The following JMJD1C variants were observed in gnomAD, a reference collection of about 807,000 sequenced individuals.
The protein encoded by JMJD1C is jumonji domain containing 1C, also known as jumonji domain-containing protein 1C.
A neutral mutation model predicts 245.3 loss-of-function variants in JMJD1C; 31 were observed. The ratio of observed to expected loss-of-function variants is 0.13; its 90% CI spans 0.09 to 0.17. The LOEUF (loss-of-function observed/expected upper bound fraction) is 0.17, where lower values mean the gene tolerates loss of function less well. Ranked by LOEUF, JMJD1C falls within the 10% of genes least tolerant of loss-of-function variation. The pLI is 1.00. For synonymous variants in JMJD1C, 1,057 were observed against 1,017.4 expected, an observed-to-expected ratio of 1.04 and a Z score of -0.74; for missense variants, 2,691 against 3,000.2, an observed-to-expected ratio of 0.90 and a Z score of 2.41.
chr10:63,491,042 G>C (rs1954158878), intron 1 of JMJD1C, among the ~76,000 whole-genome samples: 1 of 152,194 alleles, frequency 6.6e-6, no homozygotes, highest in Non-Finnish European at 1.5e-5. Flanking sequence ...AGAAAACTGA[G>C]ATGACGAATT....
At chr10:63,189,766 G>A (rs1564573997) in intron 17 of JMJD1C, among the ~76,000 whole-genome samples, 1 of 152,054 alleles carries the variant, frequency 6.6e-6, no homozygotes, top group Admixed American at 6.6e-5. Flanking sequence ...ATAGAGATGA[G>A]GGTCTTGCTA....
chr10:63,322,178 T>C (rs988689065), intron 2 of JMJD1C, among the ~76,000 whole-genome samples: 1 of 152,202 alleles, frequency 6.6e-6, no homozygotes, highest in Non-Finnish European at 1.5e-5. Flanking sequence ...AAAGCTCTTT[T>C]CAAATGTTGC....
chr10:63,361,712 T>A (rs1171600502), intron 2 of JMJD1C, among the ~76,000 whole-genome samples: 1 of 84,062 alleles, frequency 1.2e-5, no homozygotes. Flanking sequence ...AACAATACTG[T>A]CTCAACTAAA....
At chr10:63,409,872 T>C (rs1263655330) in intron 1 of JMJD1C, among the ~76,000 whole-genome samples, 2 of 151,924 alleles carry the variant, frequency 1.3e-5, no homozygotes, top group East Asian at 1.9e-4. Context: ...CTTGAAAGAG[T>C]GTGTTGCATG....
chr10:63,196,160 G>A (rs1252579537), intron 13 of JMJD1C, among the ~76,000 whole-genome samples: 2 of 151,206 alleles, frequency 1.3e-5, no homozygotes, highest in African/African-American at 2.4e-5. Context: ...TCGGGAGGCT[G>A]AGGCAGGAGA....
In JMJD1C at chr10:63,207,674, C is replaced by A. The variant is rs1846802882; in HGVS notation, c.3995G>T (p.Arg1332Ile). Residue 1332 changes from arginine (R) to isoleucine (I), a missense_variant, in exon 10 of 26, where the codon AGA becomes ATA. By Grantham distance (97) the Arg-to-Ile change is moderately conservative. Coordinates refer to ENST00000399262, the MANE Select transcript of JMJD1C (RefSeq NM_032776.3). ...TGTTTTATGTGCCCCAGCTGAAGATCTTTCACTAACACGATCTTTAGAAGC... is the reference window on the plus strand; with the variant it reads ...TGTTTTATGTGCCCCAGCTGAAGATATTTCACTAACACGATCTTTAGAAGC... ...QLASKDRVSE[R>I]SSAGAHKTDC... 1 of 1,614,140 alleles carries A rather than the reference C, an allele frequency of 6.2e-7. No individual in the cohort carries two copies.
intron 1 of JMJD1C, among the ~76,000 whole-genome samples, chr10:63,471,009 T>G (rs568462775): frequency 6.6e-6 from 1 of 152,338 alleles, no homozygotes; most frequent in Non-Finnish European, 1.5e-5. Flanking sequence ...AAATGGAAAG[T>G]TGCCATTGAG....
rs752843189 is a variant in JMJD1C, at chr10:63,192,965, C to G, written c.6049G>C (p.Glu2017Gln). ...TTTTTTTCCTCTCTGGCTTTTTGCT[C>G]TGCAAGATCTGCTAACCAGTGCAGT... ...SPLHWLADLAEQKAREEKKEN... is the reference protein window; with the variant it reads ...SPLHWLADLAQQKAREEKKEN... The change falls in exon 16 of 26, where the codon GAG becomes CAG. Residue 2017 changes from glutamate to glutamine, a missense_variant. Glu to Gln is a conservative substitution (Grantham distance 29). Coordinates refer to ENST00000399262, the MANE Select transcript of JMJD1C (RefSeq NM_032776.3). 43 of 1,613,890 alleles carry G rather than the reference C, an allele frequency of 2.7e-5. No individual in the cohort carries two copies. The highest frequency in any genetic ancestry group is 2.0e-4 in the Admixed American group (12 of 59,996).
chr10:63,429,058 G>A (rs569680308), intron 1 of JMJD1C, among the ~76,000 whole-genome samples: 85 of 152,232 alleles, frequency 5.6e-4, no homozygotes, highest in African/African-American at 1.7e-3. Flanking sequence ...TCAGCTTACC[G>A]TAACCTCTAC....
At chr10:63,411,293 A>ATTT (rs58719205) in intron 1 of JMJD1C, among the ~76,000 whole-genome samples, 8 of 84,552 alleles carry the variant, frequency 9.5e-5, no homozygotes, top group Admixed American at 1.2e-4. Context: ...TGTGTCACTG[A>ATTT]TTTTTTTTTT....
At chr10:63,256,403 G>C (rs1433469802) in intron 3 of JMJD1C, among the ~76,000 whole-genome samples, 2 of 152,026 alleles carry the variant, frequency 1.3e-5, no homozygotes, top group Non-Finnish European at 2.9e-5. Context: ...GTAGGTAATA[G>C]AATATTTAAA....
upstream of JMJD1C, among the ~76,000 whole-genome samples, chr10:63,470,020 T>C (rs972917732): frequency 1.3e-5 from 2 of 152,152 alleles, no homozygotes; most frequent in East Asian, 1.9e-4. Context: ...TATCAAAATA[T>C]CACTTCCTCA....
At chr10:63,340,043 G>C (rs1290061851) in intron 2 of JMJD1C, among the ~76,000 whole-genome samples, 1 of 145,848 alleles carries the variant, frequency 6.9e-6, no homozygotes, top group Non-Finnish European at 1.5e-5. Flanking sequence ...CTGGGTGACA[G>C]AGTGAGACTT....
At chr10:63,305,031 C>T (rs150015864) in intron 2 of JMJD1C, among the ~76,000 whole-genome samples, 2,040 of 152,122 alleles carry the variant, frequency 0.013, 30 homozygotes, top group African/African-American at 0.034. Context: ...CCCAGTGACT[C>T]GGGAGGCTGA....
At chr10:63,517,165 A>T (rs1278817063) in intron 1 of JMJD1C, among the ~76,000 whole-genome samples, 1 of 152,200 alleles carries the variant, frequency 6.6e-6, no homozygotes, top group Non-Finnish European at 1.5e-5. Context: ...TCTCATTAGC[A>T]TTCTCATTAA....
intron 1 of JMJD1C, among the ~76,000 whole-genome samples, chr10:63,415,143 T>C (rs1272895445): frequency 6.6e-6 from 1 of 152,170 alleles, no homozygotes; most frequent in Admixed American, 6.5e-5. Context: ...TATAGTTACT[T>C]AGAAAACCCC....
chr10:63,463,411 C>T (rs1216275793), intron 1 of JMJD1C, among the ~76,000 whole-genome samples: 6 of 152,138 alleles, frequency 3.9e-5, no homozygotes, highest in Non-Finnish European at 8.8e-5. Context: ...CAAGTATCTT[C>T]CCATCTCAGT....
chr10:63,425,469 T>C (rs558200451), intron 1 of JMJD1C, among the ~76,000 whole-genome samples: 14 of 152,006 alleles, frequency 9.2e-5, no homozygotes, highest in African/African-American at 3.4e-4. Context: ...GCATATCACA[T>C]GACAAATAAA....
At chr10:63,243,386 C>T (rs1159554558) in intron 3 of JMJD1C, among the ~76,000 whole-genome samples, 1 of 151,734 alleles carries the variant, frequency 6.6e-6, no homozygotes, top group African/African-American at 2.4e-5. Context: ...ATTAGCCAGG[C>T]ATGGTGGTGC....
Sources: allele counts gnomAD v4.1 joint callset (sites outside exome capture counted in the v4.1 genomes callset), GRCh38; gene constraint gnomAD v4.1.1; transcripts MANE v1.5; gene names NCBI Gene and HGNC (gene_info 2026-07-23, HGNC 2026-07-21).